The following IL1R1 variants were observed in gnomAD, a reference collection of about 807,000 sequenced individuals.
IL1R1 encodes the protein interleukin 1 receptor type 1.
A neutral mutation model predicts 50.2 loss-of-function variants in IL1R1; 22 were observed. That is an observed-to-expected ratio of 0.44 (90% CI 0.31 to 0.63). The LOEUF is 0.63. Among genes scored for constraint, IL1R1 ranks in the 20% least tolerant of loss-of-function variants. IL1R1 has a pLI of 0.07. For missense variants in IL1R1, 509 were observed against 676.2 expected (o/e 0.75, Z 2.74); for synonymous variants, 251 against 236.7 (o/e 1.06, Z -0.55).
chr2:102,137,321 T>C (rs2104429253), intron 1 of IL1R1, among the ~76,000 whole-genome samples: 1 of 152,318 alleles, frequency 6.6e-6, no homozygotes, highest in Admixed American at 6.5e-5. Context: ...CAACAGTGTA[T>C]TATTATCTCT....
chr2:102,096,444 G>C lies in IL1R1; in HGVS notation c.-84+25911G>C, dbSNP rs183427348. ...GGAAATGTGAAATAGTTTCTCATTT[G>C]TGTTTCTAATTTCCTTGGGTTTTTA... is the stretch of plus-strand genomic sequence containing the variant. On this transcript the variant is annotated intron_variant, in intron 1 of 11. Coordinates refer to the IL1R1 transcript ENST00000409929. Among the ~76,000 whole-genome samples the C allele has an allele frequency of 7.2e-5, 11 of 152,314 alleles. No homozygotes were observed. The East Asian group carries it at 2.1e-3, about 29-fold the overall frequency.
intron 1 of IL1R1, among the ~76,000 whole-genome samples, chr2:102,071,181 G>A (rs1678701959): frequency 6.6e-6 from 1 of 152,050 alleles, no homozygotes; most frequent in African/African-American, 2.4e-5. Context: ...TAAAGTAAGG[G>A]ATACTTATTT....
At chr2:102,111,406 G>A (rs1464760743) in intron 1 of IL1R1, among the ~76,000 whole-genome samples, 2 of 152,200 alleles carry the variant, frequency 1.3e-5, no homozygotes, top group Non-Finnish European at 2.9e-5. Flanking sequence ...TGAGACAAGT[G>A]GAGACATTTT....
chr2:102,175,611 G>A lies in IL1R1; in HGVS notation c.1269G>A (p.Leu423=). 6.2e-7 allele frequency: 1 copy of A among 1,614,064 alleles called. No homozygotes were observed. Among genetic ancestry groups the A allele is most frequent in the Non-Finnish European group, 8.5e-7 (1 of 1,179,958 alleles). The change falls in exon 11 of 12, where the codon CTG becomes CTA. Residue 423 remains leucine, a synonymous_variant. Coordinates refer to ENST00000410023, the MANE Select transcript of IL1R1 (RefSeq NM_000877.4). ...TGGAAAAACAGTGTGGATATAAGCT[G>A]TTCATTTATGGAAGGGATGACTACG... ...EVLEKQCGYK[L]FIYGRDDYVG...
At chr2:102,110,148 T>C (rs1037078319) in intron 1 of IL1R1, among the ~76,000 whole-genome samples, 15 of 152,194 alleles carry the variant, frequency 9.9e-5, no homozygotes, top group Non-Finnish European at 2.1e-4. Context: ...GTCTTGTTAA[T>C]AGTTTCTAGT....
intron 1 of IL1R1, among the ~76,000 whole-genome samples, chr2:102,092,459 C>T (rs1679714288): frequency 6.6e-6 from 1 of 152,030 alleles, no homozygotes; most frequent in Admixed American, 6.5e-5. Flanking sequence ...TAAATCCTCC[C>T]AGGAAGCAGA....
At position 102,177,267 on chromosome 2, in the gene IL1R1, A is replaced by C. The variant is rs1439954265; in HGVS notation, c.*508A>C. ...GCAACAGAGCAAGACTCCGTCTCAAAAAAAGGGCAATAAATGCCCTCTCTG... is the reference window on the plus strand; with the variant it reads ...GCAACAGAGCAAGACTCCGTCTCAACAAAAGGGCAATAAATGCCCTCTCTG... On this transcript the variant is annotated 3_prime_UTR_variant, in exon 12 of 12. Transcript: ENST00000410023. 6.2e-6 allele frequency: 1 copy of C among 160,040 alleles called. No individual in the cohort carries two copies. Among genetic ancestry groups the C allele is most frequent in the Non-Finnish European group, 1.4e-5 (1 of 71,604 alleles). The allele number at this position is 160,040 out of a possible 1,614,324, so 9.9% of individuals were successfully genotyped here. A position where few individuals can be genotyped will look rare whatever the true frequency, so the allele number is the denominator to read the frequency against.
At chr2:102,141,838 G>A (rs1682665600), upstream of IL1R1, 2 of 152,322 alleles carry the variant, frequency 1.3e-5, no homozygotes, top group East Asian at 1.9e-4. Flanking sequence ...CTGAAGACTA[G>A]CGAAGTGGAG....
chr2:102,175,202 T>C (rs922460896), intron 10 of IL1R1, among the ~76,000 whole-genome samples: 2 of 151,610 alleles, frequency 1.3e-5, no homozygotes, highest in Non-Finnish European at 2.9e-5. Context: ...GGGAAGAAGA[T>C]GAGGACAGGG....
intron 7 of IL1R1, among the ~76,000 whole-genome samples, chr2:102,169,871 C>T (rs1159108162): frequency 6.6e-6 from 1 of 152,140 alleles, no homozygotes; most frequent in Non-Finnish European, 1.5e-5. Flanking sequence ...ATTCTCTTTC[C>T]TGTCTTTAAA....
At chr2:102,154,238 A>G (rs569644243) in intron 2 of IL1R1, among the ~76,000 whole-genome samples, 65 of 152,332 alleles carry the variant, frequency 4.3e-4, no homozygotes, top group African/African-American at 1.3e-3. Flanking sequence ...TTGCTTTCCC[A>G]GGTCACCTTG....
upstream of IL1R1, among the ~76,000 whole-genome samples, chr2:102,138,542 A>G (rs1682468255): frequency 1.3e-5 from 2 of 152,194 alleles, no homozygotes; most frequent in African/African-American, 2.4e-5. Flanking sequence ...GGTTTTATTA[A>G]ATCAGAGGAA....
At chr2:102,164,534 G>A (rs1391206394) in intron 3 of IL1R1, among the ~76,000 whole-genome samples, 1 of 152,126 alleles carries the variant, frequency 6.6e-6, no homozygotes, top group Admixed American at 6.5e-5. Flanking sequence ...TGAGTGAAAA[G>A]GGGGTGAAGG....
intron 1 of IL1R1, among the ~76,000 whole-genome samples, chr2:102,089,927 G>A (rs1437308605): frequency 4.0e-5 from 6 of 149,846 alleles, no homozygotes; most frequent in Non-Finnish European, 5.9e-5. Flanking sequence ...TCCACCTCCC[G>A]GGTTCACGCC....
chr2:102,144,727 C>T (rs1682967510), intron 1 of IL1R1, among the ~76,000 whole-genome samples: 2 of 152,150 alleles, frequency 1.3e-5, no homozygotes. Context: ...AAATCCGCCC[C>T]TTTGTACAAG....
chr2:102,159,312 C>A (rs1684489288), intron 3 of IL1R1, among the ~76,000 whole-genome samples: 1 of 152,212 alleles, frequency 6.6e-6, no homozygotes, highest in Non-Finnish European at 1.5e-5. Flanking sequence ...CAGAGATTGA[C>A]TTAAATTCCT....
intron 1 of IL1R1, among the ~76,000 whole-genome samples, chr2:102,123,044 T>C (rs1406250459): frequency 6.6e-6 from 1 of 152,206 alleles, no homozygotes; most frequent in Non-Finnish European, 1.5e-5. Flanking sequence ...AATATAGGCA[T>C]GCTGAGCAAA....
upstream of IL1R1, chr2:102,142,146 A>G (rs936059316): frequency 1.3e-5 from 2 of 152,260 alleles, no homozygotes; most frequent in African/African-American, 4.8e-5. Flanking sequence ...CCAGCAGATA[A>G]CGCGTGAGTA....
intron 1 of IL1R1, among the ~76,000 whole-genome samples, chr2:102,153,667 G>C (rs1322907660): frequency 6.6e-6 from 1 of 152,128 alleles, no homozygotes; most frequent in Admixed American, 6.5e-5. Flanking sequence ...TGGTTTAAAA[G>C]TGTTTGGCAC....
Sources: gnomAD v4.1 joint callset for allele counts (sites outside exome capture counted in the v4.1 genomes callset) on GRCh38, gnomAD v4.1.1 for gene constraint, MANE v1.5 for transcripts, NCBI Gene and HGNC (gene_info 2026-07-23, HGNC 2026-07-21) for gene names.